Variants in PTDSS1 observed in about 807,000 individuals in gnomAD.
PTDSS1 encodes PSS-1.
A neutral mutation model predicts 70.5 loss-of-function variants in PTDSS1; 45 were observed. The observed-to-expected ratio is 0.64, with a 90% confidence interval of 0.50 to 0.82. The LOEUF is 0.82. Ranked by LOEUF, PTDSS1 falls within the 40% of genes least tolerant of loss-of-function variation. PTDSS1 has a pLI of 0.00. For missense variants in PTDSS1, 417 were observed against 586.1 expected (o/e 0.71, Z 2.98); for synonymous variants, 188 against 203.8 (o/e 0.92, Z 0.66).
intron 1 of PTDSS1, among the ~76,000 whole-genome samples, chr8:96,267,382 C>G (rs1206467088): frequency 6.6e-6 from 1 of 152,190 alleles, no homozygotes; most frequent in Non-Finnish European, 1.5e-5. Context: ...GCTTTCGGGA[C>G]TGTTCTCTTT....
chr8:96,286,291 G>A (rs745470511), intron 3 of PTDSS1, among the ~76,000 whole-genome samples: 11 of 152,170 alleles, frequency 7.2e-5, no homozygotes, highest in South Asian at 2.1e-4. Flanking sequence ...TCTCTAAAAC[G>A]TATTGGACAG....
chr8:96,304,294 AG>A, intron 7 of PTDSS1, 113 bp downstream of exon 7: 1 of 1,255,172 alleles, frequency 8.0e-7, no homozygotes, highest in East Asian at 2.4e-5. Context: ...ATACTTTACA[AG>A]ATATAATATT....
At chr8:96,324,062 C>T (rs576469564) in intron 10 of PTDSS1, among the ~76,000 whole-genome samples, 1 of 152,314 alleles carries the variant, frequency 6.6e-6, no homozygotes, top group East Asian at 1.9e-4. Flanking sequence ...GGCATGGACA[C>T]AATTCAGCCA....
In PTDSS1 at chr8:96,263,748, A is replaced by G. The variant is rs1197811879; in HGVS notation, c.179+1529A>G. Among the ~76,000 whole-genome samples, 6 of 152,350 alleles carry G rather than the reference A, an allele frequency of 3.9e-5. No homozygotes were observed. The East Asian group carries it at 7.7e-4, about 20-fold the overall frequency. ...TAACGGATACTAAATGTATTGTGAC[A>G]TATGTGACAGCGCTGTACAACATAA... On this transcript the variant is annotated intron_variant, in intron 1 of 12. Transcript: ENST00000517309.
chr8:96,295,910 G>A (rs1810967010), intron 5 of PTDSS1, among the ~76,000 whole-genome samples: 1 of 152,102 alleles, frequency 6.6e-6, no homozygotes, highest in Non-Finnish European at 1.5e-5. Flanking sequence ...CCAACTAGAT[G>A]TGGCTTCTGT....
chr8:96,284,842 G>A (rs1055094425), intron 3 of PTDSS1, among the ~76,000 whole-genome samples: 1 of 152,208 alleles, frequency 6.6e-6, no homozygotes, highest in Non-Finnish European at 1.5e-5. Flanking sequence ...GCTATAGGCT[G>A]CCTATTTTTC....
intron 2 of PTDSS1, among the ~76,000 whole-genome samples, chr8:96,281,496 C>A (rs1254197542): frequency 6.6e-6 from 1 of 152,134 alleles, no homozygotes; most frequent in Non-Finnish European, 1.5e-5. Context: ...TAGGGTGGTC[C>A]CTGGCTTTTA....
In PTDSS1 at chr8:96,321,419, C is replaced by T. The variant is rs548473095; in HGVS notation, c.1173+1074C>T. Among the ~76,000 whole-genome samples, 8 of 152,318 alleles carry T rather than the reference C, an allele frequency of 5.3e-5. No individual in the cohort carries two copies. The South Asian group carries it at 1.7e-3, about 32-fold the overall frequency. On this transcript the variant is annotated intron_variant, in intron 10 of 12. Transcript: ENST00000517309. ...TATTTGTTTAACAATATATTTGAAT[C>T]CACATTCACCCATCGTGATTGGTTG... is the stretch of plus-strand genomic sequence containing the variant.
chr8:96,299,708 T>C lies in PTDSS1; in HGVS notation c.615T>C (p.His205=). ...GTGTTTCTCAGCTCTTCTTCATGCA[T>C]CTCCTCCCCAATTTTGCCGAGTGCT... The part of the protein sequence containing the change: ...TWELTELFFM[H]LLPNFAECWW... Residue 205 remains histidine (H), a synonymous_variant, in exon 6 of 13, where the codon CAT becomes CAC. Transcript: ENST00000517309. 4 of 1,611,252 alleles carry C rather than the reference T, an allele frequency of 2.5e-6. No individual in the cohort carries two copies. The highest frequency in any genetic ancestry group is 3.4e-6 in the Non-Finnish European group (4 of 1,179,276).
At chr8:96,316,664 A>G (rs1007811332) in intron 9 of PTDSS1, among the ~76,000 whole-genome samples, 2 of 152,206 alleles carry the variant, frequency 1.3e-5, no homozygotes, top group African/African-American at 4.8e-5. Context: ...TACCCCCTGT[A>G]TGTAAAATAA....
intron 9 of PTDSS1, among the ~76,000 whole-genome samples, chr8:96,311,885 A>G (rs1490299981): frequency 6.6e-6 from 1 of 152,164 alleles, no homozygotes; most frequent in Non-Finnish European, 1.5e-5. Flanking sequence ...CCCTCCTTCT[A>G]AAGGATTGTC....
rs1468522060 is a variant in PTDSS1, at chr8:96,295,252, C to A, written c.596C>A (p.Thr199Asn). Residue 199 changes from threonine to asparagine, a missense_variant, in exon 5 of 13, where the codon ACT becomes AAT. Coordinates refer to ENST00000517309, the MANE Select transcript of PTDSS1 (RefSeq NM_014754.3). ...CWTISITWEL[T>N]ELFFMHLLPN... ...ACAATCAGTATTACCTGGGAGCTGACTGAGGTAAGAAGGAGGGCATTGGGG... is the reference window on the plus strand; with the variant it reads ...ACAATCAGTATTACCTGGGAGCTGAATGAGGTAAGAAGGAGGGCATTGGGG... The A allele has an allele frequency of 6.2e-7, 1 of 1,612,890 alleles. No individual in the cohort carries two copies. Among genetic ancestry groups the A allele is most frequent in the Non-Finnish European group, 8.5e-7 (1 of 1,179,424 alleles).
chr8:96,318,143 G>T (rs1340832232), intron 9 of PTDSS1, among the ~76,000 whole-genome samples: 1 of 151,944 alleles, frequency 6.6e-6, no homozygotes, highest in Non-Finnish European at 1.5e-5. Flanking sequence ...TGGCCAACAT[G>T]GTGAAACCCC....
intron 9 of PTDSS1, among the ~76,000 whole-genome samples, chr8:96,316,795 C>T (rs1178781260): frequency 6.6e-6 from 1 of 152,100 alleles, no homozygotes; most frequent in Non-Finnish European, 1.5e-5. Context: ...GAGGTCAAGA[C>T]CATCCTGGCC....
chr8:96,280,943 G>A (rs1586186850), intron 2 of PTDSS1, among the ~76,000 whole-genome samples: 1 of 152,254 alleles, frequency 6.6e-6, no homozygotes, highest in South Asian at 2.1e-4. Flanking sequence ...TGGGAAATAA[G>A]ATCTGTGGGG....
intron 12 of PTDSS1, 128 bp downstream of exon 12, chr8:96,331,223 T>C (rs1811511896): frequency 1.2e-6 from 1 of 856,048 alleles, no homozygotes; most frequent in Admixed American, 2.4e-5. Flanking sequence ...ATGTCTCCTG[T>C]CACTTATTAA....
rs1163952257 is a variant in PTDSS1, at chr8:96,333,627, AT to A, written c.*64del. ...TAGAACTGAGAGGGAAATGGAACTC[AT>A]TTGGAACTCCCCGTGAGGAGGTCGA... On this transcript the variant is annotated 3_prime_UTR_variant, in exon 13 of 13. Coordinates refer to ENST00000517309, the MANE Select transcript of PTDSS1 (RefSeq NM_014754.3). 1.3e-6 allele frequency: 2 copies of A among 1,496,268 alleles called. No individual in the cohort carries two copies. Among genetic ancestry groups the A allele is most frequent in the African/African-American group, 2.8e-5 (2 of 72,228 alleles). The allele number at this position is 1,496,268 out of a possible 1,614,324, so 92.7% of individuals were successfully genotyped here.
chr8:96,317,445 T>C (rs1458214211), intron 9 of PTDSS1, among the ~76,000 whole-genome samples: 1 of 151,978 alleles, frequency 6.6e-6, no homozygotes, highest in Non-Finnish European at 1.5e-5. Context: ...TCAGAAAAAC[T>C]TCAGGTTGAC....
rs1295032798 is a variant in PTDSS1 at position 96,276,970 on chromosome 8, G to GCACACACA, written c.271+3583_271+3584insACACACAC. Reference sequence around the variant, plus strand: ...TCTCCTCCCGGGCACATACACGCGCGCACGCGCGCGCACACACACACACAC... The same window carrying GCACACACA: ...TCTCCTCCCGGGCACATACACGCGCGCACACACACACGCGCGCGCACACACACACACAC... On this transcript the variant is annotated intron_variant, in intron 2 of 12. Coordinates refer to ENST00000517309, the MANE Select transcript of PTDSS1 (RefSeq NM_014754.3). 5.0e-4 allele frequency among the ~76,000 whole-genome samples: 58 copies of GCACACACA among 115,596 alleles called. 1 individual carries two copies. The highest frequency in any genetic ancestry group is 1.8e-3 in the African/African-American group (56 of 31,350). 75.8% of individuals were successfully genotyped at this position (115,596 alleles called of 152,430 possible). A position where few individuals can be genotyped will look rare whatever the true frequency, so the allele number is the denominator to read the frequency against.
Sources: gnomAD v4.1 joint callset for allele counts (sites outside exome capture counted in the v4.1 genomes callset) on GRCh38, gnomAD v4.1.1 for gene constraint, MANE v1.5 for transcripts, NCBI Gene and HGNC (gene_info 2026-07-23, HGNC 2026-07-21) for gene names.